Variants in TACC1 observed in about 807,000 individuals in gnomAD.
TACC1 encodes the protein transforming acidic coiled-coil containing protein 1.
Under a neutral mutation model 84.4 loss-of-function variants are expected in TACC1, and 48 were observed. That is an observed-to-expected ratio of 0.57 (90% CI 0.45 to 0.72). The LOEUF is 0.72. Ranked by LOEUF, TACC1 falls within the 30% of genes least tolerant of loss-of-function variation. The pLI is 0.00. For missense variants in TACC1, 920 were observed against 973.0 expected, an observed-to-expected ratio of 0.95 and a Z score of 0.72; for synonymous variants, 372 against 376.3, an observed-to-expected ratio of 0.99 and a Z score of 0.13.
At chr8:38,841,766 C>T (rs1264927287) in intron 9 of TACC1, among the ~76,000 whole-genome samples, 1 of 152,176 alleles carries the variant, frequency 6.6e-6, no homozygotes, top group Non-Finnish European at 1.5e-5. Context: ...TGTAATTTCT[C>T]TGCATCAGAC....
intron 3 of TACC1, among the ~76,000 whole-genome samples, chr8:38,759,346 T>C (rs1194346826): frequency 6.6e-6 from 1 of 152,234 alleles, no homozygotes; most frequent in Non-Finnish European, 1.5e-5. Context: ...TAGCTGAGGA[T>C]GAAAGTTGAC....
chr8:38,814,875 G>A (rs1410713111), intron 2 of TACC1, among the ~76,000 whole-genome samples: 2 of 152,154 alleles, frequency 1.3e-5, no homozygotes, highest in Non-Finnish European at 2.9e-5. Context: ...TAGTTTATGG[G>A]TAAATACAGT....
intron 3 of TACC1, among the ~76,000 whole-genome samples, chr8:38,746,497 T>C (rs1808115078): frequency 6.6e-6 from 1 of 152,246 alleles, no homozygotes; most frequent in Non-Finnish European, 1.5e-5. Context: ...CTTCTCTCCC[T>C]CTGAGATTTC....
In TACC1 at chr8:38,851,927, A is replaced by G; in HGVS notation, c.*3904A>G. ...GTATTTCGAGGAGATATCTGTCCAAAAAGGTTTGACTGGCCTCCAGATTCC... is the reference window on the plus strand; with the variant it reads ...GTATTTCGAGGAGATATCTGTCCAAGAAGGTTTGACTGGCCTCCAGATTCC... On this transcript the variant is annotated 3_prime_UTR_variant, in exon 13 of 13. Coordinates refer to ENST00000317827, the MANE Select transcript of TACC1 (RefSeq NM_006283.3). The G allele has an allele frequency of 2.2e-6, 1 of 450,290 alleles. No homozygotes were observed. The highest frequency in any genetic ancestry group is 4.5e-6 in the Non-Finnish European group (1 of 222,994). 27.9% of individuals were successfully genotyped at this position (450,290 alleles called of 1,614,324 possible).
At chr8:38,745,628 C>G (rs1807939292) in intron 3 of TACC1, 1 of 563,028 alleles carries the variant, frequency 1.8e-6, no homozygotes, top group Admixed American at 3.2e-5. Flanking sequence ...ACTGCAGCCT[C>G]TGCCTCCTGG....
intron 3 of TACC1, among the ~76,000 whole-genome samples, chr8:38,822,245 T>TA (rs139176772): frequency 0.66 from 77,873 of 118,864 alleles, 25,621 homozygotes; most frequent in East Asian, 0.77. Context: ...ACCCTGTCTT[T>TA]AAAAAAAAAA....
intron 3 of TACC1, among the ~76,000 whole-genome samples, chr8:38,821,065 C>T (rs750573297): frequency 1.1e-4 from 17 of 151,974 alleles, no homozygotes; most frequent in African/African-American, 3.6e-4. Flanking sequence ...ATTAGCTGGG[C>T]GTGGTGGTGC....
intron 3 of TACC1, among the ~76,000 whole-genome samples, chr8:38,753,959 G>GT (rs1809539692): frequency 1.6e-5 from 1 of 61,484 alleles, no homozygotes. Context: ...TCATTTTTTG[G>GT]GTTTTTTTTT....
chr8:38,812,417 C>T (rs778209732), intron 2 of TACC1, among the ~76,000 whole-genome samples: 6 of 152,074 alleles, frequency 3.9e-5, no homozygotes, highest in Non-Finnish European at 7.4e-5. Flanking sequence ...CTGTAAAATT[C>T]CTCTCTTTAT....
At chr8:38,811,333 C>A (rs993129165) in intron 2 of TACC1, among the ~76,000 whole-genome samples, 1 of 152,126 alleles carries the variant, frequency 6.6e-6, no homozygotes, top group African/African-American at 2.4e-5. Flanking sequence ...CTAAAACTTA[C>A]AAATCATCTT....
At chr8:38,798,722 C>T (rs1820613885) in intron 2 of TACC1, among the ~76,000 whole-genome samples, 1 of 151,952 alleles carries the variant, frequency 6.6e-6, no homozygotes, top group South Asian at 2.1e-4. Context: ...GACTCACCCA[C>T]TCAGAATCCC....
rs546795866 is a variant in TACC1, at chr8:38,751,154, T to C, written c.26+5661T>C. On this transcript the variant is annotated intron_variant, in intron 3 of 14. Coordinates refer to the TACC1 transcript ENST00000518415. ...GAGATAAGCATGTGACTTCCCAAGG[T>C]GGCCAATTTGAAGGGTAATTCTCCT... Among the ~76,000 whole-genome samples the C allele has an allele frequency of 1.0e-3, 157 of 152,110 alleles. 5 individuals carry two copies. In the South Asian group the frequency reaches 0.031, roughly 30 times the overall value.
At chr8:38,786,359 C>G (rs1488409767), upstream of TACC1, among the ~76,000 whole-genome samples, 1 of 151,996 alleles carries the variant, frequency 6.6e-6, no homozygotes, top group Non-Finnish European at 1.5e-5. Context: ...ACTGAAGCAG[C>G]GAAATAAGTC....
chr8:38,831,837 A>C, intron 6 of TACC1, among the ~76,000 whole-genome samples: 1 of 140,812 alleles, frequency 7.1e-6, no homozygotes. Flanking sequence ...ACAGAGTTTC[A>C]CTCTTGTCAC....
intron 2 of TACC1, chr8:38,744,036 G>C (rs1267925790): frequency 6.6e-6 from 1 of 152,220 alleles, no homozygotes; most frequent in African/African-American, 2.4e-5. Context: ...TCCGAAGGTA[G>C]TGAGTTATGT....
intron 3 of TACC1, among the ~76,000 whole-genome samples, chr8:38,769,511 TG>T (rs1813058801): frequency 7.3e-6 from 1 of 136,700 alleles, no homozygotes; most frequent in Non-Finnish European, 1.6e-5. Flanking sequence ...TGTGTGTGTG[TG>T]GTGTGTGTAT....
At chr8:38,801,722 A>G (rs1821412420) in intron 2 of TACC1, among the ~76,000 whole-genome samples, 1 of 152,160 alleles carries the variant, frequency 6.6e-6, no homozygotes, top group Non-Finnish European at 1.5e-5. Flanking sequence ...TTTCTATATG[A>G]ATTTTAGAAT....
intron 2 of TACC1, among the ~76,000 whole-genome samples, chr8:38,800,943 G>T (rs916521847): frequency 6.6e-6 from 1 of 152,188 alleles, no homozygotes; most frequent in Non-Finnish European, 1.5e-5. Flanking sequence ...AGCCATGCCA[G>T]TAGGTGTGGA....
intron 1 of TACC1, among the ~76,000 whole-genome samples, chr8:38,736,317 C>CTAT (rs1473553298): frequency 6.6e-6 from 1 of 152,166 alleles, no homozygotes; most frequent in Non-Finnish European, 1.5e-5. Flanking sequence ...GATAACCTGG[C>CTAT]TGGGCACTGT....
Sources: gnomAD v4.1 joint callset for allele counts (sites outside exome capture counted in the v4.1 genomes callset) on GRCh38, gnomAD v4.1.1 for gene constraint, MANE v1.5 for transcripts, NCBI Gene and HGNC (gene_info 2026-07-23, HGNC 2026-07-21) for gene names.